PSMA1: variants seen among roughly 807,000 people sequenced by gnomAD.
The protein encoded by PSMA1 is proteasome 20S subunit alpha 1.
PSMA1 carries 3 observed loss-of-function variants against 38.4 expected under a neutral mutation model. That is an observed-to-expected ratio of 0.08 (90% CI 0.04 to 0.20). The LOEUF is 0.20. PSMA1 is among the 10% of genes least tolerant of loss of function. PSMA1 has a pLI of 1.00. For synonymous variants in PSMA1, 101 were observed against 107.1 expected, an observed-to-expected ratio of 0.94 and a Z score of 0.35; for missense variants, 227 against 325.3, an observed-to-expected ratio of 0.70 and a Z score of 2.32.
At chr11:14,605,561 A>C (rs542353732) in intron 2 of PSMA1, among the ~76,000 whole-genome samples, 2 of 151,966 alleles carry the variant, frequency 1.3e-5, no homozygotes, top group East Asian at 3.9e-4. Flanking sequence ...AACTTTGTTT[A>C]TTTTTTATAG....
chr11:14,517,545 G>T, intron 4 of PSMA1, 97 bp downstream of exon 4: 2 of 979,580 alleles, frequency 2.0e-6, no homozygotes, highest in South Asian at 1.9e-5. Flanking sequence ...CAAGAACTTT[G>T]GCAGACAACT....
intron 2 of PSMA1, among the ~76,000 whole-genome samples, chr11:14,581,839 G>T (rs1249181762): frequency 6.6e-6 from 1 of 152,146 alleles, no homozygotes; most frequent in Non-Finnish European, 1.5e-5. Flanking sequence ...TTATTCGCAG[G>T]CAGTTTCCTC....
chr11:14,638,992 C>T (rs1330942994), intron 1 of PSMA1, among the ~76,000 whole-genome samples: 1 of 151,854 alleles, frequency 6.6e-6, no homozygotes, highest in African/African-American at 2.4e-5. Context: ...TCTGGGTAAG[C>T]GTTATAGATT....
intron 2 of PSMA1, among the ~76,000 whole-genome samples, chr11:14,527,807 AC>A (rs755798756): frequency 6.6e-6 from 1 of 152,084 alleles, no homozygotes; most frequent in Non-Finnish European, 1.5e-5. Context: ...ATTCAGTGGC[AC>A]CTGGTTTTAC....
At chr11:14,532,106 C>T (rs905855748) in intron 2 of PSMA1, among the ~76,000 whole-genome samples, 2 of 99,078 alleles carry the variant, frequency 2.0e-5, no homozygotes, top group South Asian at 3.6e-4. Context: ...TTATCCAATA[C>T]TTTTTTCTGT....
intron 2 of PSMA1, among the ~76,000 whole-genome samples, chr11:14,590,270 T>C (rs1026803921): frequency 1.3e-5 from 2 of 152,238 alleles, no homozygotes; most frequent in African/African-American, 2.4e-5. Context: ...ATGGTGGTGA[T>C]GGCTTGCACC....
chr11:14,600,242 T>C (rs1026341557), intron 2 of PSMA1, among the ~76,000 whole-genome samples: 1 of 152,186 alleles, frequency 6.6e-6, no homozygotes, highest in Non-Finnish European at 1.5e-5. Context: ...TTCTCAGAGC[T>C]CAAACGCTAT....
rs548820514 is a variant in PSMA1, at chr11:14,546,295, C to T, written c.22-27254G>A. Among the ~76,000 whole-genome samples, 4 of 151,926 alleles carry T rather than the reference C, an allele frequency of 2.6e-5. No individual in the cohort carries two copies. In the East Asian group the frequency reaches 7.7e-4, roughly 29 times the overall value. ...AAGAAAAGAGGATTTTGATTGTGAC[C>T]CTCCCCTTTTTTCTCCACCCTGCCC... On this transcript the variant is annotated intron_variant, in intron 2 of 10. Transcript: ENST00000418988.
At chr11:14,518,066 C>A in intron 2 of PSMA1, 85 bp from the exon 3 acceptor site, 7 of 934,568 alleles carry the variant, frequency 7.5e-6, no homozygotes, top group South Asian at 1.8e-5. Context: ...CAGGTGAGCA[C>A]AGTTAAATCT....
intron 8 of PSMA1, among the ~76,000 whole-genome samples, chr11:14,508,562 A>AAAAAAAAAAAAC (rs1554966537): frequency 9.3e-5 from 3 of 32,096 alleles, no homozygotes; most frequent in African/African-American, 4.5e-4. Context: ...ACTCCATCTC[A>AAAAAAAAAAAAC]AAAAAAAAAA....
At chr11:14,570,237 AT>A (rs1297872040) in intron 2 of PSMA1, among the ~76,000 whole-genome samples, 1 of 152,236 alleles carries the variant, frequency 6.6e-6, no homozygotes, top group Non-Finnish European at 1.5e-5. Flanking sequence ...CCAAAGGTAG[AT>A]AAAACCACAA....
At chr11:14,622,888 C>T (rs577352017) in intron 1 of PSMA1, among the ~76,000 whole-genome samples, 57 of 152,246 alleles carry the variant, frequency 3.7e-4, no homozygotes, top group African/African-American at 1.3e-3. Context: ...ACATAGGGCC[C>T]TGGAATTCTG....
chr11:14,562,683 G>C (rs2134173878), intron 2 of PSMA1, among the ~76,000 whole-genome samples: 1 of 151,674 alleles, frequency 6.6e-6, no homozygotes, highest in Admixed American at 6.6e-5. Flanking sequence ...GGAGTGCAGG[G>C]GCATGATCAG....
intron 2 of PSMA1, among the ~76,000 whole-genome samples, chr11:14,539,412 A>G (rs568245932): frequency 6.6e-6 from 1 of 152,314 alleles, no homozygotes; most frequent in Non-Finnish European, 1.5e-5. Context: ...CCTGGCTTCC[A>G]GATCAGACTA....
intron 2 of PSMA1, among the ~76,000 whole-genome samples, chr11:14,575,274 T>C (rs1307309753): frequency 1.3e-5 from 2 of 152,206 alleles, no homozygotes; most frequent in Non-Finnish European, 2.9e-5. Context: ...AGTTTAATTA[T>C]AATACTTTAA....
At chr11:14,571,332 G>T (rs534442225) in intron 2 of PSMA1, among the ~76,000 whole-genome samples, 2 of 152,248 alleles carry the variant, frequency 1.3e-5, no homozygotes, top group East Asian at 3.9e-4. Flanking sequence ...CAAAGTGCTG[G>T]GATTACAGGC....
At chr11:14,559,303 T>A (rs1851981953) in intron 2 of PSMA1, among the ~76,000 whole-genome samples, 1 of 152,058 alleles carries the variant, frequency 6.6e-6, no homozygotes, top group Non-Finnish European at 1.5e-5. Context: ...ATGTAGTGGG[T>A]TAAGGAAGGA....
chr11:14,522,501 T>C (rs1326678163), upstream of PSMA1, among the ~76,000 whole-genome samples: 1 of 152,206 alleles, frequency 6.6e-6, no homozygotes, highest in Admixed American at 6.5e-5. Flanking sequence ...GAGAGTCAGT[T>C]TTCTCTGTAT....
intron 2 of PSMA1, among the ~76,000 whole-genome samples, chr11:14,603,559 G>A (rs1365164339): frequency 1.3e-5 from 2 of 152,142 alleles, no homozygotes; most frequent in African/African-American, 2.4e-5. Flanking sequence ...GTTTTGTGCT[G>A]AATTTTCCTG....
Sources: allele counts gnomAD v4.1 joint callset (sites outside exome capture counted in the v4.1 genomes callset), GRCh38; gene constraint gnomAD v4.1.1; transcripts MANE v1.5; gene names NCBI Gene and HGNC (gene_info 2026-07-23, HGNC 2026-07-21).